Variants in UNC79 observed in about 807,000 individuals in gnomAD.
UNC79 encodes the protein unc-79 subunit of NALCN channel complex.
In UNC79, 37 loss-of-function variants were observed where a neutral mutation model predicts 283.1. The observed-to-expected ratio is 0.13, with a 90% CI of 0.10 to 0.17. UNC79 has a LOEUF of 0.17. UNC79 is among the 10% of genes least tolerant of loss of function. The probability of loss-of-function intolerance (pLI) is 1.00; values close to 1 mark genes in which losing one functional copy is unlikely to be tolerated. For synonymous variants in UNC79, 1,107 were observed against 1,200.2 expected (o/e 0.92, Z 1.61); for missense variants, 2,272 against 3,211.1 (o/e 0.71, Z 7.07).
chr14:93,470,220 C>A (rs1310323568), intron 2 of UNC79, among the ~76,000 whole-genome samples: 1 of 152,100 alleles, frequency 6.6e-6, no homozygotes, highest in Non-Finnish European at 1.5e-5. Context: ...AGCAGCTTCA[C>A]TTGAGTCAGG....
intron 8 of UNC79, among the ~76,000 whole-genome samples, chr14:93,527,594 C>T (rs2060604107): frequency 6.6e-6 from 1 of 152,118 alleles, no homozygotes; most frequent in Admixed American, 6.6e-5. Flanking sequence ...CTTTGAATTA[C>T]AGGCTGTTTG....
chr14:93,477,876 CA>C, intron 4 of UNC79, 148 bp downstream of exon 4: 1 of 770,170 alleles, frequency 1.3e-6, no homozygotes, highest in Non-Finnish European at 2.0e-6. Context: ...GTCACTTTAG[CA>C]TGGATATTAT....
chr14:93,593,123 G>A (rs999594022), intron 22 of UNC79, among the ~76,000 whole-genome samples: 5 of 152,168 alleles, frequency 3.3e-5, no homozygotes, highest in African/African-American at 9.7e-5. Flanking sequence ...TGGGTCATAC[G>A]CCTTCTCCTA....
chr14:93,640,881 C>T (rs1481661045), intron 32 of UNC79, among the ~76,000 whole-genome samples: 1 of 152,150 alleles, frequency 6.6e-6, no homozygotes, highest in Non-Finnish European at 1.5e-5. Flanking sequence ...ACCCTGCTGG[C>T]ACACCTGAGC....
At chr14:93,447,200 C>G (rs1390764544) in intron 1 of UNC79, among the ~76,000 whole-genome samples, 3 of 152,172 alleles carry the variant, frequency 2.0e-5, no homozygotes, top group African/African-American at 7.2e-5. Flanking sequence ...TCCAGACTAC[C>G]TTCACATGCT....
rs546483374 is a variant in UNC79, at chr14:93,622,011, T to G, written c.4778T>G (p.Val1593Gly). 3.1e-6 allele frequency: 5 copies of G among 1,613,960 alleles called. No homozygotes were observed. The East Asian group carries it at 1.1e-4, about 36-fold the overall frequency. ...TGTATGGAGACTTTCGAGGTGAAAGTTGACTCGCCGGTAAAGCCTGCTCCT... is the reference window on the plus strand; with the variant it reads ...TGTATGGAGACTTTCGAGGTGAAAGGTGACTCGCCGGTAAAGCCTGCTCCT... Residue 1593 changes from valine (V) to glycine (G), a missense_variant, in exon 30 of 49, where the codon GTT (valine) becomes GGT (glycine). Val to Gly is a moderately radical substitution (Grantham distance 109). Coordinates refer to ENST00000555664, the Ensembl canonical transcript of UNC79.
intron 7 of UNC79, among the ~76,000 whole-genome samples, chr14:93,522,622 T>C (rs1173865964): frequency 6.6e-6 from 1 of 152,156 alleles, no homozygotes; most frequent in Admixed American, 6.6e-5. Flanking sequence ...ACTAATCTCA[T>C]AGTTATGAAG....
exon 29 of UNC79, chr14:93,618,338 C>T (rs1297234678): frequency 6.2e-7 from 1 of 1,610,166 alleles, no homozygotes; most frequent in Non-Finnish European, 8.5e-7. Context: ...TAAGCAGATA[C>T]AGCGAAAAAG....
At chr14:93,579,367 C>T (rs1254417859) in intron 18 of UNC79, among the ~76,000 whole-genome samples, 1 of 152,160 alleles carries the variant, frequency 6.6e-6, no homozygotes, top group East Asian at 1.9e-4. Flanking sequence ...GTGTTAGCAT[C>T]AATGGATGAC....
At chr14:93,600,012 A>T (rs976316802) in intron 24 of UNC79, among the ~76,000 whole-genome samples, 1 of 152,140 alleles carries the variant, frequency 6.6e-6, no homozygotes, top group Admixed American at 6.5e-5. Context: ...CCATCCGGCT[A>T]ACACAGTGAA....
At chr14:93,454,048 C>CTT (rs35564821) in intron 1 of UNC79, among the ~76,000 whole-genome samples, 1 of 137,172 alleles carries the variant, frequency 7.3e-6, no homozygotes, top group Non-Finnish European at 1.6e-5. Flanking sequence ...CTTTTTAAAT[C>CTT]TTTTTTTTTT....
At chr14:93,359,807 G>A (rs1482750519) in intron 1 of UNC79, among the ~76,000 whole-genome samples, 1 of 152,164 alleles carries the variant, frequency 6.6e-6, no homozygotes, top group Non-Finnish European at 1.5e-5. Context: ...TGAATGAAGG[G>A]GAGGCCGGGT....
chr14:93,437,021 T>C (rs553042703), intron 1 of UNC79, among the ~76,000 whole-genome samples: 16 of 152,122 alleles, frequency 1.1e-4, no homozygotes, highest in Non-Finnish European at 2.9e-5. Flanking sequence ...GGTCTTCCAA[T>C]AGAATAAAAT....
At chr14:93,477,231 C>A (rs918412691) in intron 3 of UNC79, among the ~76,000 whole-genome samples, 5 of 152,116 alleles carry the variant, frequency 3.3e-5, no homozygotes, top group African/African-American at 1.2e-4. Context: ...TTCCATTGGG[C>A]AAATCATCTA....
chr14:93,408,125 C>T (rs1276270308), intron 1 of UNC79, among the ~76,000 whole-genome samples: 1 of 152,102 alleles, frequency 6.6e-6, no homozygotes, highest in African/African-American at 2.4e-5. Context: ...AGCATCAGTA[C>T]CAGACTCGAA....
chr14:93,702,636 G>A (rs1243136587), intron 47 of UNC79, among the ~76,000 whole-genome samples: 1 of 152,200 alleles, frequency 6.6e-6, no homozygotes, highest in African/African-American at 2.4e-5. Flanking sequence ...TGAACTCTGA[G>A]GTCATTCACA....
Position 93,338,101 on chromosome 14 carries a change from G to A in UNC79, c.-351+4578G>A, listed in dbSNP as rs539267049. Among the ~76,000 whole-genome samples, 133 of 152,232 alleles carry A rather than the reference G, an allele frequency of 8.7e-4. 2 individuals are homozygous for A. In the South Asian group the frequency reaches 0.025, roughly 29 times the overall value. ...GGGATCCAGGCTGGTAGCACAAGCCGAGCGCAGCCTGCCAGGCTGAGTGGG... is the reference window on the plus strand; with the variant it reads ...GGGATCCAGGCTGGTAGCACAAGCCAAGCGCAGCCTGCCAGGCTGAGTGGG... On this transcript the variant is annotated intron_variant, in intron 1 of 49. Coordinates refer to the UNC79 transcript ENST00000256339.
chr14:93,425,687 C>G (rs911163924), upstream of UNC79, among the ~76,000 whole-genome samples: 1 of 151,890 alleles, frequency 6.6e-6, no homozygotes, highest in African/African-American at 2.4e-5. Context: ...AGAAGCAGAC[C>G]CCACTTCACA....
intron 7 of UNC79, among the ~76,000 whole-genome samples, chr14:93,498,439 A>G (rs897471955): frequency 6.6e-6 from 1 of 151,772 alleles, no homozygotes; most frequent in Non-Finnish European, 1.5e-5. Context: ...ATACAAAAAA[A>G]TTTTAGCCGG....
Sources: gnomAD v4.1 joint callset for allele counts (sites outside exome capture counted in the v4.1 genomes callset) on GRCh38, gnomAD v4.1.1 for gene constraint, MANE v1.5 for transcripts, NCBI Gene and HGNC (gene_info 2026-07-23, HGNC 2026-07-21) for gene names.